DLL1: variants seen among roughly 807,000 people sequenced by gnomAD.
The protein encoded by DLL1 is delta-like protein 1.
DLL1 carries 9 observed loss-of-function variants against 75.1 expected under a neutral mutation model. The observed-to-expected ratio is 0.12, with a 90% CI of 0.07 to 0.21. The LOEUF is 0.21. Among genes scored for constraint, DLL1 ranks in the 10% least tolerant of loss-of-function variants. The pLI is 1.00. For missense variants in DLL1, 837 were observed against 1,007.6 expected (o/e 0.83, Z 2.29); for synonymous variants, 477 against 418.3 (o/e 1.14, Z -1.71).
chr6:170,284,160 TC>T, intron 8 of DLL1, 131 bp from the exon 9 acceptor site: 2 of 1,182,648 alleles, frequency 1.7e-6, no homozygotes, highest in Non-Finnish European at 2.4e-6. Flanking sequence ...CCTGAATGAG[TC>T]CACAGCGCAA....
intron 5 of DLL1, 67 bp downstream of exon 5, chr6:170,286,171 A>G: frequency 6.2e-7 from 1 of 1,604,174 alleles, no homozygotes; most frequent in Non-Finnish European, 8.5e-7. Context: ...GTTTTTACAA[A>G]TACACCAGCT....
In DLL1 at chr6:170,282,758, T is replaced by C. The variant is rs928314467; in HGVS notation, c.*116A>G. On this transcript the variant is annotated 3_prime_UTR_variant, in exon 11 of 11. Transcript: ENST00000366756. ...AGAACCTGCTCGGTCTGAACTCGGT[T>C]TCTCAGCAGCAGTCCACGAGGCCTC... 17 of 1,564,626 alleles carry C rather than the reference T, an allele frequency of 1.1e-5. No homozygotes were observed. The African/African-American group carries it at 2.2e-4, about 20-fold the overall frequency.
Position 170,290,700 on chromosome 6 carries a change from G to T in DLL1, c.-561C>A. The T allele has an allele frequency of 3.0e-6, 1 of 328,306 alleles. No individual in the cohort carries two copies. Among genetic ancestry groups the T allele is most frequent in the South Asian group, 3.4e-5 (1 of 29,038 alleles). 20.3% of individuals were successfully genotyped at this position (328,306 alleles called of 1,614,324 possible). ...CGGCGGCCCCTGCGGATCGCGGCCCGGTGTCACTCGGCGGCGGCGGTCGTT... is the reference window on the plus strand; with the variant it reads ...CGGCGGCCCCTGCGGATCGCGGCCCTGTGTCACTCGGCGGCGGCGGTCGTT... On this transcript the variant is annotated 5_prime_UTR_variant, in exon 1 of 11. Coordinates refer to ENST00000366756, the MANE Select transcript of DLL1 (RefSeq NM_005618.4). The surrounding 1 kb of genome is among the most constrained non-coding windows in gnomAD (Gnocchi z 4.7).
intron 4 of DLL1, 142 bp downstream of exon 4, chr6:170,288,097 T>C (rs904425859): frequency 3.7e-5 from 47 of 1,272,660 alleles, no homozygotes; most frequent in Non-Finnish European, 5.2e-5. Flanking sequence ...CTTATAGCAA[T>C]CCACTTCTGT....
intron 1 of DLL1, 23 bp from the exon 2 acceptor site, chr6:170,289,831 G>C: frequency 6.5e-7 from 1 of 1,549,090 alleles, no homozygotes; most frequent in Non-Finnish European, 8.7e-7. Context: ...GGGCGGGGGC[G>C]TGAGGACGCG....
rs1026093546 is a variant in DLL1, at chr6:170,290,007, C to T, written c.54+79G>A. 1.5e-5 allele frequency: 21 copies of T among 1,383,012 alleles called. No homozygotes were observed. The African/African-American group carries it at 3.0e-4, about 20-fold the overall frequency. 85.7% of individuals were successfully genotyped at this position (1,383,012 alleles called of 1,614,324 possible). A position where few individuals can be genotyped will look rare whatever the true frequency, so the allele number is the denominator to read the frequency against. On this transcript the variant is annotated intron_variant, in intron 1 of 10. Transcript: ENST00000366756. The surrounding 1 kb of genome is among the most constrained non-coding windows in gnomAD (Gnocchi z 4.7). Reference sequence around the variant, plus strand: ...GCGCGGCCCGTGCCGCTGTCCGCCCCTCCCCGCGCGCTCCTGCCCCGCGCC... The same window carrying T: ...GCGCGGCCCGTGCCGCTGTCCGCCCTTCCCCGCGCGCTCCTGCCCCGCGCC...
chr6:170,284,277 G>T (rs1312930831), intron 8 of DLL1, among the ~76,000 whole-genome samples: 1 of 152,196 alleles, frequency 6.6e-6, no homozygotes, highest in Non-Finnish European at 1.5e-5. Context: ...GAACACTCTG[G>T]TGGCTGCATT....
Position 170,290,071 on chromosome 6 carries a change from C to T in DLL1, c.54+15G>A. On this transcript the variant is annotated intron_variant, in intron 1 of 10. Transcript: ENST00000366756. This position sits in a 1 kb window ranked among gnomAD's most constrained non-coding sequence, Gnocchi z 4.7. ...AGACCCCGCGGGGCCGCGGCGCCCC[C>T]ACCTGCCCGCCTACCTGACACAGCA... 6.3e-7 allele frequency: 1 copy of T among 1,577,322 alleles called. No homozygotes were observed. The highest frequency in any genetic ancestry group is 1.4e-5 in the African/African-American group (1 of 72,468).
chr6:170,289,950 G>A, intron 1 of DLL1, 136 bp downstream of exon 1: 8 of 1,317,552 alleles, frequency 6.1e-6, no homozygotes, highest in Non-Finnish European at 7.8e-6. Context: ...TGGGGTCGTC[G>A]CCCCCGGGAT....
chr6:170,288,582 C>G (rs978921012), intron 3 of DLL1, 86 bp from the exon 4 acceptor site: 7 of 1,612,434 alleles, frequency 4.3e-6, no homozygotes, highest in Middle Eastern at 1.7e-4. Context: ...ACATTCAGCA[C>G]GGGAAGGAGG....
chr6:170,284,662 G>A (rs993739290), intron 8 of DLL1, among the ~76,000 whole-genome samples: 18 of 152,184 alleles, frequency 1.2e-4, no homozygotes, highest in African/African-American at 4.1e-4. Context: ...GCAGGTGCCC[G>A]AAGCACCTTG....
chr6:170,285,214 C>T (rs775283208), intron 7 of DLL1, 40 bp downstream of exon 7: 1 of 1,614,064 alleles, frequency 6.2e-7, no homozygotes, highest in South Asian at 1.1e-5. Context: ...ACCAGGGCAC[C>T]CCAGCTTCCG....
rs1156720590 is a variant in DLL1 at position 170,290,624 on chromosome 6, C to A, written c.-485G>T. The A allele has an allele frequency of 1.2e-5, 3 of 259,464 alleles. No homozygotes were observed. Among genetic ancestry groups the A allele is most frequent in the Non-Finnish European group, 1.4e-5 (2 of 139,352 alleles). 16.1% of individuals were successfully genotyped at this position (259,464 alleles called of 1,614,324 possible). A position where few individuals can be genotyped will look rare whatever the true frequency, so the allele number is the denominator to read the frequency against. Reference sequence around the variant, plus strand: ...GAAATCCCACGGGCAAGGCGATAATCCGGGGCCAGCGGCGCGCGCTGAGGG... The same window carrying A: ...GAAATCCCACGGGCAAGGCGATAATACGGGGCCAGCGGCGCGCGCTGAGGG... On this transcript the variant is annotated 5_prime_UTR_variant, in exon 1 of 11. Coordinates refer to ENST00000366756, the MANE Select transcript of DLL1 (RefSeq NM_005618.4). The surrounding 1 kb of genome is among the most constrained non-coding windows in gnomAD (Gnocchi z 4.7).
Position 170,284,884 on chromosome 6 carries a change from C to T in DLL1, c.1249+35G>A, listed in dbSNP as rs749927970. ...TGCCACCTCAGTATTGACCGCTCGC[C>T]CGAGTCTCTGAGCAATCACCAGCTG... On this transcript the variant is annotated intron_variant, in intron 8 of 10. Coordinates refer to ENST00000366756, the MANE Select transcript of DLL1 (RefSeq NM_005618.4). 20 of 1,604,566 alleles carry T rather than the reference C, an allele frequency of 1.2e-5. No individual in the cohort carries two copies. The Admixed American group carries it at 2.8e-4, about 23-fold the overall frequency.
intron 4 of DLL1, among the ~76,000 whole-genome samples, chr6:170,286,994 G>C (rs1011890767): frequency 6.6e-6 from 1 of 152,230 alleles, no homozygotes; most frequent in African/African-American, 2.4e-5. Flanking sequence ...CAGGGAGGAA[G>C]GGTGGGAGGC....
rs1289869772 is a variant in DLL1, at chr6:170,290,573, C to G, written c.-434G>C. The G allele has an allele frequency of 8.1e-6, 2 of 245,834 alleles. No individual in the cohort carries two copies. Among genetic ancestry groups the G allele is most frequent in the Non-Finnish European group, 1.5e-5 (2 of 131,644 alleles). The allele number at this position is 245,834 out of a possible 1,614,324, so 15.2% of individuals were successfully genotyped here. On this transcript the variant is annotated 5_prime_UTR_variant, in exon 1 of 11. Coordinates refer to ENST00000366756, the MANE Select transcript of DLL1 (RefSeq NM_005618.4). The surrounding 1 kb of genome is among the most constrained non-coding windows in gnomAD (Gnocchi z 4.7). ...CCAAGAGAGCTGCAGAGCTTCCTCCCGAGCCGATTAGAAAGCCGCGGTCTG... is the reference window on the plus strand; with the variant it reads ...CCAAGAGAGCTGCAGAGCTTCCTCCGGAGCCGATTAGAAAGCCGCGGTCTG...
Position 170,290,989 on chromosome 6 carries a change from G to A in DLL1, c.-850C>T. On this transcript the variant is annotated 5_prime_UTR_variant, in exon 1 of 11. Coordinates refer to ENST00000366756, the MANE Select transcript of DLL1 (RefSeq NM_005618.4). The surrounding 1 kb of genome is among the most constrained non-coding windows in gnomAD (Gnocchi z 4.7). ...CGGCCGCCCGCATGGCTAATGAGAT[G>A]CAAATCAGCAGCCCCCCAATCTGGC... The A allele has an allele frequency of 1.4e-6, 1 of 701,778 alleles. No individual in the cohort carries two copies. Among genetic ancestry groups the A allele is most frequent in the South Asian group, 1.5e-5 (1 of 67,588 alleles). 43.5% of individuals were successfully genotyped at this position (701,778 alleles called of 1,614,324 possible).
In DLL1 at chr6:170,285,186, C is replaced by CCA. The variant is rs1332060452; in HGVS notation, c.1033-53_1033-52dup. The CCA allele has an allele frequency of 3.1e-6, 5 of 1,613,606 alleles. No individual in the cohort carries two copies. In the African/African-American group the frequency reaches 6.7e-5, roughly 22 times the overall value. On this transcript the variant is annotated intron_variant, in intron 7 of 10. Coordinates refer to ENST00000366756, the MANE Select transcript of DLL1 (RefSeq NM_005618.4). Reference sequence around the variant, plus strand: ...GCTTTCCAAAGTTGCTCCAAGGAGCCCACACACTCCATTCAACACCAGGGC... The same window carrying CCA: ...GCTTTCCAAAGTTGCTCCAAGGAGCCCACACACACTCCATTCAACACCAGGGC...
chr6:170,290,905 T>A lies in DLL1; in HGVS notation c.-766A>T. 2.9e-6 allele frequency: 2 copies of A among 693,936 alleles called. No individual in the cohort carries two copies. Among genetic ancestry groups the A allele is most frequent in the Non-Finnish European group, 5.3e-6 (2 of 380,544 alleles). The allele number at this position is 693,936 out of a possible 1,614,324, so 43.0% of individuals were successfully genotyped here. A position where few individuals can be genotyped will look rare whatever the true frequency, so the allele number is the denominator to read the frequency against. On this transcript the variant is annotated 5_prime_UTR_variant, in exon 1 of 11. Transcript: ENST00000366756. The surrounding 1 kb of genome is among the most constrained non-coding windows in gnomAD (Gnocchi z 4.7). ...GCTCTGCCCTCGGCCGGGTCGGGTC[T>A]CCGCGGGTGCGCGCAGAGGATCTGG...
Sources: allele counts gnomAD v4.1 joint callset (sites outside exome capture counted in the v4.1 genomes callset), GRCh38; gene constraint gnomAD v4.1.1; non-coding constraint Gnocchi (gnomAD v3.1); transcripts MANE v1.5; gene names NCBI Gene and HGNC (gene_info 2026-07-23, HGNC 2026-07-21).